The following KCNH1 variants were observed in gnomAD, a reference collection of about 807,000 sequenced individuals.
KCNH1 encodes the protein voltage-gated delayed rectifier potassium channel KCNH1.
In KCNH1, 27 loss-of-function variants were observed where a neutral mutation model predicts 69.2. That is an observed-to-expected ratio of 0.39 (90% CI 0.29 to 0.54). The LOEUF is 0.54. Among genes scored for constraint, KCNH1 ranks in the 20% least tolerant of loss-of-function variants. KCNH1 has a pLI of 0.68. For synonymous variants in KCNH1, 456 were observed against 487.7 expected, an observed-to-expected ratio of 0.93 and a Z score of 0.86; for missense variants, 798 against 1,261.6, an observed-to-expected ratio of 0.63 and a Z score of 5.57.
intron 7 of KCNH1, among the ~76,000 whole-genome samples, chr1:210,822,780 T>C (rs888614774): frequency 1.3e-5 from 2 of 152,164 alleles, no homozygotes; most frequent in Non-Finnish European, 2.9e-5. Flanking sequence ...CCAGCTCAAA[T>C]GCCATCAAGC....
chr1:211,056,596 T>C (rs1423974441), intron 5 of KCNH1, among the ~76,000 whole-genome samples: 1 of 152,178 alleles, frequency 6.6e-6, no homozygotes, highest in African/African-American at 2.4e-5. Flanking sequence ...GGACCCAGTG[T>C]TGTGCTGGCT....
intron 7 of KCNH1, among the ~76,000 whole-genome samples, chr1:210,822,156 T>C (rs541949617): frequency 1.3e-5 from 2 of 152,114 alleles, no homozygotes; most frequent in South Asian, 2.1e-4. Flanking sequence ...GTGCCCAGTC[T>C]AGACTGGGGT....
Position 210,840,955 on chromosome 1 carries a change from T to C in KCNH1, c.1463-36789A>G, listed in dbSNP as rs551214005. 2.0e-5 allele frequency among the ~76,000 whole-genome samples: 3 copies of C among 152,196 alleles called. No homozygotes were observed. In the South Asian group the frequency reaches 6.2e-4, roughly 32 times the overall value. ...GAATCTTGTATGGACCTGTTGCTTT[T>C]CTCCTCACAGACAGACACCAGGCCA... is the stretch of plus-strand genomic sequence containing the variant. On this transcript the variant is annotated intron_variant, in intron 7 of 10. Coordinates refer to ENST00000271751, the MANE Select transcript of KCNH1 (RefSeq NM_172362.3).
At chr1:210,742,994 T>C (rs187755913) in intron 10 of KCNH1, among the ~76,000 whole-genome samples, 23 of 152,036 alleles carry the variant, frequency 1.5e-4, no homozygotes, top group Non-Finnish European at 2.9e-4. Flanking sequence ...AGAAAGAGGA[T>C]AAAGATTAAA....
chr1:210,935,191 A>T (rs1687756628), intron 6 of KCNH1, among the ~76,000 whole-genome samples: 1 of 151,496 alleles, frequency 6.6e-6, no homozygotes, highest in Non-Finnish European at 1.5e-5. Flanking sequence ...ATAAAAAAAA[A>T]AATAAAATCC....
At chr1:210,845,507 G>A (rs2102458983) in intron 7 of KCNH1, among the ~76,000 whole-genome samples, 1 of 152,198 alleles carries the variant, frequency 6.6e-6, no homozygotes, top group African/African-American at 2.4e-5. Context: ...ATGCAGAAAA[G>A]GCCTTTGACA....
rs990653262 is a variant in KCNH1 at position 210,679,368 on chromosome 1, C to T, written c.*3913G>A. On this transcript the variant is annotated 3_prime_UTR_variant, in exon 11 of 11. Coordinates refer to ENST00000271751, the MANE Select transcript of KCNH1 (RefSeq NM_172362.3). The stretch of plus-strand genomic sequence containing the variant: ...CACAGCTGGAGTTCCATTCAAGGGT[C>T]TTAAGGCTAAACGTCTTTATTGCAA... 7 of 152,154 alleles carry T rather than the reference C, an allele frequency of 4.6e-5. No homozygotes were observed. Among genetic ancestry groups the T allele is most frequent in the African/African-American group, 1.7e-4 (7 of 41,430 alleles). 9.4% of individuals were successfully genotyped at this position (152,154 alleles called of 1,614,324 possible).
At chr1:211,006,936 C>CAT (rs760333061) in intron 6 of KCNH1, among the ~76,000 whole-genome samples, 5 of 151,494 alleles carry the variant, frequency 3.3e-5, no homozygotes, top group African/African-American at 7.3e-5. Context: ...AATATATAAA[C>CAT]ATATATATAT....
intron 7 of KCNH1, among the ~76,000 whole-genome samples, chr1:210,835,646 C>A (rs1219028866): frequency 7.9e-5 from 12 of 152,040 alleles, no homozygotes; most frequent in Admixed American, 7.9e-4. Flanking sequence ...TGAAAACCTA[C>A]ATGTAATATA....
chr1:211,084,828 G>A (rs1219313811), intron 4 of KCNH1, among the ~76,000 whole-genome samples: 2 of 152,164 alleles, frequency 1.3e-5, no homozygotes, highest in Non-Finnish European at 2.9e-5. Flanking sequence ...ATTCATTCAT[G>A]TGTTAATTCT....
At chr1:210,808,454 G>A (rs1433607562) in intron 7 of KCNH1, among the ~76,000 whole-genome samples, 1 of 152,038 alleles carries the variant, frequency 6.6e-6, no homozygotes, top group Non-Finnish European at 1.5e-5. Flanking sequence ...GAAGGTTAAG[G>A]GTCCTCAGGA....
intron 7 of KCNH1, among the ~76,000 whole-genome samples, chr1:210,836,641 G>T (rs534071204): frequency 6.6e-6 from 1 of 152,270 alleles, no homozygotes; most frequent in South Asian, 2.1e-4. Context: ...CAGCACTTCC[G>T]CAGTGAATAC....
chr1:211,008,570 T>C (rs1689329168), intron 6 of KCNH1, among the ~76,000 whole-genome samples: 1 of 152,210 alleles, frequency 6.6e-6, no homozygotes, highest in South Asian at 2.1e-4. Flanking sequence ...ACAAAAAGAT[T>C]ACACACTGAA....
chr1:210,900,723 G>C (rs1439227451), intron 7 of KCNH1, among the ~76,000 whole-genome samples: 2 of 152,088 alleles, frequency 1.3e-5, no homozygotes, highest in Non-Finnish European at 2.9e-5. Context: ...CTGCAGAGTG[G>C]CAGAAGAGCC....
At chr1:210,704,432 C>T (rs1470459678) in intron 10 of KCNH1, among the ~76,000 whole-genome samples, 4 of 152,164 alleles carry the variant, frequency 2.6e-5, no homozygotes, top group Admixed American at 6.5e-5. Context: ...ATGCTAAAAC[C>T]GGAAGGGACC....
chr1:210,746,094 G>A (rs1420853024), intron 10 of KCNH1, among the ~76,000 whole-genome samples: 1 of 152,090 alleles, frequency 6.6e-6, no homozygotes, highest in Non-Finnish European at 1.5e-5. Context: ...TCCTGTTATT[G>A]ATAAATATGG....
chr1:211,018,751 T>A (rs1689539296), intron 6 of KCNH1, 32 bp downstream of exon 6: 2 of 1,525,234 alleles, frequency 1.3e-6, no homozygotes, highest in Admixed American at 2.0e-5. Flanking sequence ...TTTAAAGACA[T>A]GACAACAAGG....
chr1:210,892,036 G>A (rs1197532831), intron 7 of KCNH1, among the ~76,000 whole-genome samples: 1 of 152,082 alleles, frequency 6.6e-6, no homozygotes, highest in Non-Finnish European at 1.5e-5. Flanking sequence ...CACAGGGAGA[G>A]GAACATCACA....
chr1:211,025,430 C>T (rs1325797559), intron 5 of KCNH1, among the ~76,000 whole-genome samples: 1 of 152,074 alleles, frequency 6.6e-6, no homozygotes, highest in Admixed American at 6.6e-5. Flanking sequence ...ACCTACTATG[C>T]TTGAGATTTT....
Sources: gnomAD v4.1 joint callset for allele counts (sites outside exome capture counted in the v4.1 genomes callset) on GRCh38, gnomAD v4.1.1 for gene constraint, MANE v1.5 for transcripts, NCBI Gene and HGNC (gene_info 2026-07-23, HGNC 2026-07-21) for gene names.